CADM2: variants seen among roughly 807,000 people sequenced by gnomAD.
CADM2 encodes cell adhesion molecule 2, also known as immunoglobulin superfamily member 4D.
Under a neutral mutation model 49.8 loss-of-function variants are expected in CADM2, and 12 were observed. The observed-to-expected ratio is 0.24, with a 90% CI of 0.15 to 0.39. The LOEUF is 0.39. CADM2 is among the 10% of genes least tolerant of loss of function. The pLI is 1.00. For missense variants in CADM2, 378 were observed against 492.3 expected (o/e 0.77, Z 2.20); for synonymous variants, 214 against 175.4 (o/e 1.22, Z -1.74).
At chr3:85,759,383 A>G (rs1338251817) in intron 2 of CADM2, among the ~76,000 whole-genome samples, 1 of 152,146 alleles carries the variant, frequency 6.6e-6, no homozygotes, top group Non-Finnish European at 1.5e-5. Flanking sequence ...TAAGCATTTT[A>G]CTTCTGATGA....
At chr3:85,213,903 G>A (rs1018442462) in intron 1 of CADM2, among the ~76,000 whole-genome samples, 3 of 151,938 alleles carry the variant, frequency 2.0e-5, no homozygotes, top group Admixed American at 2.0e-4. Flanking sequence ...ACTCCATAAT[G>A]TCTGCTTTAT....
intron 1 of CADM2, among the ~76,000 whole-genome samples, chr3:85,120,624 C>G (rs1021948898): frequency 1.3e-5 from 2 of 152,042 alleles, no homozygotes; most frequent in Admixed American, 6.6e-5. Flanking sequence ...GGGAGATGAA[C>G]AGTGAGAACA....
intron 1 of CADM2, among the ~76,000 whole-genome samples, chr3:85,219,604 T>C (rs780703110): frequency 2.6e-5 from 4 of 152,200 alleles, no homozygotes; most frequent in South Asian, 4.1e-4. Flanking sequence ...TTCCCTGTTA[T>C]GCCACTGTGA....
intron 1 of CADM2, among the ~76,000 whole-genome samples, chr3:85,546,699 T>C (rs2061676416): frequency 1.3e-5 from 2 of 152,112 alleles, no homozygotes; most frequent in Admixed American, 6.6e-5. Context: ...GAGGACTGCA[T>C]TGATAAGGTG....
chr3:85,101,931 T>C (rs751441606), intron 1 of CADM2, among the ~76,000 whole-genome samples: 1 of 152,206 alleles, frequency 6.6e-6, no homozygotes, highest in African/African-American at 2.4e-5. Flanking sequence ...TATCTAACTC[T>C]TCAGGTGTCA....
chr3:85,290,254 G>A (rs944338130), intron 1 of CADM2, among the ~76,000 whole-genome samples: 3 of 152,306 alleles, frequency 2.0e-5, no homozygotes, highest in Middle Eastern at 3.4e-3. Flanking sequence ...GGCGCACCAC[G>A]AGATTATATC....
intron 8 of CADM2, among the ~76,000 whole-genome samples, chr3:85,985,275 A>C (rs1048899116): frequency 2.0e-5 from 3 of 152,000 alleles, no homozygotes; most frequent in African/African-American, 7.2e-5. Flanking sequence ...TGCAAGGGGC[A>C]GAGCAGCTCT....
intron 3 of CADM2, among the ~76,000 whole-genome samples, chr3:85,815,314 AT>A (rs1207614347): frequency 6.6e-6 from 1 of 152,148 alleles, no homozygotes; most frequent in African/African-American, 2.4e-5. Context: ...TCAGGCCAAT[AT>A]CCCTGATGAA....
At chr3:85,828,591 T>C (rs11714569) in intron 3 of CADM2, among the ~76,000 whole-genome samples, 53,653 of 151,758 alleles carry the variant, frequency 0.35, 9,985 homozygotes, top group East Asian at 0.57. Context: ...TATCGTTAAA[T>C]GTGGCTATGC....
At chr3:84,960,531 C>G (rs2030399539) in intron 1 of CADM2, 1 of 150,460 alleles carries the variant, frequency 6.6e-6, no homozygotes, top group African/African-American at 2.4e-5. Flanking sequence ...AGTTACTTTA[C>G]TGCTAAGATA....
chr3:85,931,864 TAAATTTTAAAATTTAAAATTATTTTAA>T (rs1720639560), intron 6 of CADM2, among the ~76,000 whole-genome samples: 1 of 151,712 alleles, frequency 6.6e-6, no homozygotes, highest in Non-Finnish European at 1.5e-5. Context: ...TTAAAATCAT[TAAATTTTAAAATTTAAAATTATTTTAA>T]ATTTTTATTT....
intron 1 of CADM2, among the ~76,000 whole-genome samples, chr3:85,543,237 TATTTATTTATTTATTTTTTATTTTTA>T (rs1346449323): frequency 5.3e-4 from 23 of 43,246 alleles, no homozygotes; most frequent in African/African-American, 7.6e-4. Flanking sequence ...TCTTTTTATT[TATTTATTTATTTATTTTTTATTTTTA>T]TTTTTTTTGG....
intron 1 of CADM2, among the ~76,000 whole-genome samples, chr3:85,024,236 A>G (rs1193216075): frequency 6.6e-6 from 1 of 152,166 alleles, no homozygotes; most frequent in Non-Finnish European, 1.5e-5. Flanking sequence ...GGAGAGCCCA[A>G]CACTGGCCTG....
chr3:85,957,449 G>A (rs528317892), intron 7 of CADM2, among the ~76,000 whole-genome samples: 70 of 151,150 alleles, frequency 4.6e-4, no homozygotes, highest in African/African-American at 1.6e-3. Flanking sequence ...TTATCTTCCT[G>A]AAGACAGAAA....
chr3:85,163,597 A>G (rs533953417), intron 1 of CADM2, among the ~76,000 whole-genome samples: 23 of 152,202 alleles, frequency 1.5e-4, no homozygotes, highest in African/African-American at 5.1e-4. Flanking sequence ...ACAAAAATAC[A>G]TATATACCAT....
intron 3 of CADM2, among the ~76,000 whole-genome samples, chr3:85,813,299 A>G (rs1226347168): frequency 6.6e-6 from 1 of 152,196 alleles, no homozygotes; most frequent in Non-Finnish European, 1.5e-5. Context: ...TCTAATGACC[A>G]GTGATGATAA....
intron 1 of CADM2, among the ~76,000 whole-genome samples, chr3:84,968,814 A>C (rs554999349): frequency 2.0e-5 from 3 of 151,996 alleles, no homozygotes; most frequent in Admixed American, 6.6e-5. Context: ...GGGATCTTGA[A>C]GTTTTGCTGG....
At chr3:86,034,613 T>C (rs1358862675) in intron 8 of CADM2, among the ~76,000 whole-genome samples, 2 of 152,080 alleles carry the variant, frequency 1.3e-5, no homozygotes, top group Non-Finnish European at 2.9e-5. Flanking sequence ...ATCCGTGTAC[T>C]GATTACATTA....
At chr3:85,457,650 A>T (rs1334632179) in intron 1 of CADM2, among the ~76,000 whole-genome samples, 1 of 152,146 alleles carries the variant, frequency 6.6e-6, no homozygotes, top group African/African-American at 2.4e-5. Flanking sequence ...TATTTTTAGG[A>T]CATAGATGAA....
Sources: allele counts gnomAD v4.1 joint callset (sites outside exome capture counted in the v4.1 genomes callset), GRCh38; gene constraint gnomAD v4.1.1; transcripts MANE v1.5; gene names NCBI Gene and HGNC (gene_info 2026-07-23, HGNC 2026-07-21).